The following ZP3 variants were observed in gnomAD, a reference collection of about 807,000 sequenced individuals.
ZP3 encodes zona pellucida sperm-binding protein 3.
In ZP3, 21 loss-of-function variants were observed where a neutral mutation model predicts 35.6. The ratio of observed to expected loss-of-function variants is 0.59; its 90% confidence interval spans 0.42 to 0.85. The LOEUF is 0.85. Ranked by LOEUF, ZP3 falls within the 40% of genes least tolerant of loss-of-function variation. The probability of loss-of-function intolerance (pLI) is 0.00; values close to 1 mark genes in which losing one functional copy is unlikely to be tolerated. For missense variants in ZP3, 437 were observed against 536.5 expected (o/e 0.81, Z 1.83); for synonymous variants, 207 against 214.5 (o/e 0.96, Z 0.31).
Position 76,433,124 on chromosome 7 carries a change from T to TTTGG in ZP3, c.535+97_535+100dup, listed in dbSNP as rs1554625757. On this transcript the variant is annotated intron_variant, in intron 3 of 7. Transcript: ENST00000394857. ...TGTGTCTTTTTTTTGTTTGTTTGGT[T>TTTGG]TTGGTTTTGGTTGGTTTTGGTTGGT... The TTTGG allele has an allele frequency of 2.0e-4, 137 of 673,584 alleles. 1 individual carries two copies. The highest frequency in any genetic ancestry group is 1.2e-3 in the East Asian group (42 of 35,142). The allele number at this position is 673,584 out of a possible 1,614,324, so 41.7% of individuals were successfully genotyped here. A position where few individuals can be genotyped will look rare whatever the true frequency, so the allele number is the denominator to read the frequency against.
chr7:76,417,601 T>A (rs1584047845), intron 1 of ZP3, among the ~76,000 whole-genome samples: 1 of 150,984 alleles, frequency 6.6e-6, no homozygotes, highest in East Asian at 1.9e-4. Flanking sequence ...AAAGTACTAT[T>A]TATTCTTTTA....
In ZP3 at chr7:76,432,919, T is replaced by G. The variant is rs1393574823; in HGVS notation, c.432-8T>G. 6.2e-7 allele frequency: 1 copy of G among 1,613,158 alleles called. No homozygotes were observed. On this transcript the variant is annotated splice_polypyrimidine_tract_variant and splice_region_variant and intron_variant, in intron 2 of 7. Transcript: ENST00000394857. ...GGCAGGTGTGCACAGCTGCTGTTCTTCTCTCAGGCAGGGCAATGTGAGCAG... is the reference window on the plus strand; with the variant it reads ...GGCAGGTGTGCACAGCTGCTGTTCTGCTCTCAGGCAGGGCAATGTGAGCAG...
Position 76,429,631 on chromosome 7 carries a change from C to G in ZP3, c.429C>G (p.Pro143=). 1 of 1,613,916 alleles carries G rather than the reference C, an allele frequency of 6.2e-7. No homozygotes were observed. Among genetic ancestry groups the G allele is most frequent in the Non-Finnish European group, 8.5e-7 (1 of 1,179,842 alleles). ...RAEIPIECRY[P]RQGNVSSQAI... ...AGATTCCCATCGAGTGCCGCTACCC[C>G]AGGTCGGTGTGGGACTGACTCATGG... Residue 143 remains proline, a splice_region_variant and synonymous_variant, in exon 2 of 8, where the codon CCC becomes CCG. Transcript: ENST00000394857.
chr7:76,400,553 G>T, intron 1 of ZP3: 1 of 1,513,204 alleles, frequency 6.6e-7, no homozygotes, highest in Non-Finnish European at 8.9e-7. Context: ...ACTTCCAGGC[G>T]GCCCCGGCAG....
intron 1 of ZP3, among the ~76,000 whole-genome samples, chr7:76,426,357 C>T (rs564474321): frequency 5.3e-5 from 8 of 152,312 alleles, no homozygotes; most frequent in Non-Finnish European, 1.2e-4. Flanking sequence ...GGACCAAGTT[C>T]CTGTGGTCCC....
At chr7:76,423,079 G>GAAAGAAAGAAAGAAAGAAAGA (rs1805563080), upstream of ZP3, among the ~76,000 whole-genome samples, 1 of 138,596 alleles carries the variant, frequency 7.2e-6, no homozygotes, top group African/African-American at 2.8e-5. Context: ...AAGAAAGAAA[G>GAAAGAAAGAAAGAAAGAAAGA]AAAGAAAAGA....
chr7:76,406,690 G>A (rs765040005), intron 1 of ZP3, among the ~76,000 whole-genome samples: 21 of 150,782 alleles, frequency 1.4e-4, no homozygotes, highest in Admixed American at 4.6e-4. Context: ...ATGGGCTCTC[G>A]TGCTGTGTTA....
At chr7:76,420,199 A>G (rs116701545), upstream of ZP3, among the ~76,000 whole-genome samples, 5,150 of 148,638 alleles carry the variant, frequency 0.035, 137 homozygotes, top group East Asian at 0.12. Flanking sequence ...CTTCTTCTTC[A>G]TAGAGATAAA....
At chr7:76,422,006 C>T (rs1805515121), upstream of ZP3, among the ~76,000 whole-genome samples, 1 of 152,098 alleles carries the variant, frequency 6.6e-6, no homozygotes, top group African/African-American at 2.4e-5. Context: ...AAGCGATTCT[C>T]CCGCCTCAGC....
upstream of ZP3, among the ~76,000 whole-genome samples, chr7:76,422,689 A>AG (rs1277151182): frequency 1.5e-4 from 22 of 146,556 alleles, no homozygotes; most frequent in African/African-American, 5.3e-4. Flanking sequence ...AAAAAAAAAA[A>AG]AAAGAAAGAA....
At chr7:76,417,388 A>G (rs1277694939) in intron 1 of ZP3, among the ~76,000 whole-genome samples, 30 of 151,336 alleles carry the variant, frequency 2.0e-4, no homozygotes, top group Admixed American at 2.0e-3. Context: ...TGCATCCCTT[A>G]CTGTGCAAAA....
chr7:76,400,616 C>G, intron 1 of ZP3: 19 of 1,432,500 alleles, frequency 1.3e-5, no homozygotes, highest in Non-Finnish European at 1.7e-5. Flanking sequence ...GAGCTGGCAC[C>G]AGGGGGTCAC....
chr7:76,430,171 C>T (rs1441936766), intron 2 of ZP3, among the ~76,000 whole-genome samples: 1 of 151,988 alleles, frequency 6.6e-6, no homozygotes, highest in East Asian at 1.9e-4. Flanking sequence ...GATTGCACTG[C>T]TGTACTCCAT....
chr7:76,399,725 A>G (rs1025830470), intron 1 of ZP3, among the ~76,000 whole-genome samples: 10 of 151,910 alleles, frequency 6.6e-5, no homozygotes, highest in South Asian at 4.1e-4. Context: ...ATAAGGTACT[A>G]TGTTCCCAAG....
At chr7:76,423,697 G>A (rs1396273219), upstream of ZP3, among the ~76,000 whole-genome samples, 3 of 151,966 alleles carry the variant, frequency 2.0e-5, no homozygotes, top group Admixed American at 6.6e-5. Context: ...TGAGGTGGGC[G>A]GATCCCTTGT....
chr7:76,398,911 G>A (rs779600291), intron 1 of ZP3: 23 of 1,040,966 alleles, frequency 2.2e-5, no homozygotes, highest in Non-Finnish European at 3.3e-5. Context: ...AGAGCCTCTG[G>A]CCACACAAAG....
Position 76,425,292 on chromosome 7 carries a change from G to T in ZP3, c.312+16G>T, listed in dbSNP as rs1171394572. 1.3e-6 allele frequency: 2 copies of T among 1,589,364 alleles called. No individual in the cohort carries two copies. Among genetic ancestry groups the T allele is most frequent in the Admixed American group, 1.7e-5 (1 of 58,546 alleles). On this transcript the variant is annotated intron_variant, in intron 1 of 7. Transcript: ENST00000394857. The stretch of plus-strand genomic sequence containing the variant: ...CAGCATGCAGGTAAGAGAGGCTGGG[G>T]GCCCTGGCTTTGGTGGGAGGATGTT...
chr7:76,425,179 C>G lies in ZP3; in HGVS notation c.215C>G (p.Thr72Ser). 3 of 1,614,046 alleles carry G rather than the reference C, an allele frequency of 1.9e-6. No individual in the cohort carries two copies. The highest frequency in any genetic ancestry group is 2.5e-6 in the Non-Finnish European group (3 of 1,180,034). ...TGKLIRAADL[T>S]LGPEACEPLV... ...AAGCTCATCAGGGCTGCTGACCTCA[C>G]CTTGGGCCCAGAGGCCTGTGAGCCT... Residue 72 changes from threonine to serine, a missense_variant, in exon 1 of 8, where the codon ACC (threonine) becomes AGC (serine). Thr to Ser is a moderately conservative substitution (Grantham distance 58, BLOSUM62 1). Coordinates refer to ENST00000394857, the MANE Select transcript of ZP3 (RefSeq NM_001110354.2).
chr7:76,437,659 GTAT>G (rs1249217766), intron 5 of ZP3, among the ~76,000 whole-genome samples: 2 of 98,090 alleles, frequency 2.0e-5, no homozygotes, highest in Non-Finnish European at 4.1e-5. Flanking sequence ...GCTAATTTCT[GTAT>G]TTTTTTTTTT....
Sources: allele counts gnomAD v4.1 joint callset (sites outside exome capture counted in the v4.1 genomes callset), GRCh38; gene constraint gnomAD v4.1.1; transcripts MANE v1.5; gene names NCBI Gene and HGNC (gene_info 2026-07-23, HGNC 2026-07-21).